The following HOPX variants were observed in gnomAD, a reference collection of about 807,000 sequenced individuals.
HOPX encodes the protein homeodomain-only protein.
A neutral mutation model predicts 11.8 loss-of-function variants in HOPX; 5 were observed. That is an observed-to-expected ratio of 0.43 (90% confidence interval 0.22 to 0.89). The LOEUF is 0.89. Among genes scored for constraint, HOPX ranks in the 40% least tolerant of loss-of-function variants. The probability of loss-of-function intolerance (pLI) is 0.28; values close to 1 mark genes in which losing one functional copy is unlikely to be tolerated. For missense variants in HOPX, 119 were observed against 120.0 expected (o/e 0.99, Z 0.04); for synonymous variants, 49 against 49.7 (o/e 0.99, Z 0.06).
intron 1 of HOPX, chr4:56,676,518 A>C (rs1044536822): frequency 2.6e-5 from 4 of 151,696 alleles, no homozygotes; most frequent in African/African-American, 9.8e-5. Flanking sequence ...CAGTCTTGCA[A>C]ACTTGTCATT....
chr4:56,658,047 G>C (rs1227856912), intron 1 of HOPX, 148 bp from the exon 2 acceptor site: 4 of 589,278 alleles, frequency 6.8e-6, no homozygotes, highest in African/African-American at 5.6e-5. Flanking sequence ...TCGCTTGAAA[G>C]AAAACAAGGG....
chr4:56,656,749 C>T (rs897706843), intron 2 of HOPX, among the ~76,000 whole-genome samples: 7 of 152,154 alleles, frequency 4.6e-5, no homozygotes, highest in African/African-American at 1.7e-4. Flanking sequence ...TTGCATGTGC[C>T]ACTCTGCCGC....
At chr4:56,673,626 T>C (rs1718854342) in intron 1 of HOPX, among the ~76,000 whole-genome samples, 1 of 152,216 alleles carries the variant, frequency 6.6e-6, no homozygotes, top group African/African-American at 2.4e-5. Context: ...CTTCCATGCT[T>C]TTCAACACCA....
Position 56,673,490 on chromosome 4 carries a change from G to C in HOPX, c.-84+7765C>G, listed in dbSNP as rs985243729. On this transcript the variant is annotated intron_variant, in intron 1 of 3. Coordinates refer to ENST00000420433, the MANE Select transcript of HOPX (RefSeq NM_032495.6). ...ATTAATTCTTTCCACTATATTTTTTGTATAATGAGGGGAGTACTTCATGGC... is the reference window on the plus strand; with the variant it reads ...ATTAATTCTTTCCACTATATTTTTTCTATAATGAGGGGAGTACTTCATGGC... 3.3e-5 allele frequency among the ~76,000 whole-genome samples: 5 copies of C among 152,092 alleles called. No homozygotes were observed. The East Asian group carries it at 9.6e-4, about 29-fold the overall frequency.
intron 1 of HOPX, among the ~76,000 whole-genome samples, chr4:56,674,655 T>C (rs909837149): frequency 2.0e-5 from 3 of 151,688 alleles, no homozygotes; most frequent in African/African-American, 7.3e-5. Flanking sequence ...CTGGCACTGT[T>C]TTCATGTTTG....
chr4:56,680,881 G>T, intron 1 of HOPX: 1 of 223,378 alleles, frequency 4.5e-6, no homozygotes, highest in Non-Finnish European at 7.5e-6. Context: ...AAAAGTCTGG[G>T]ATGTAGAATA....
chr4:56,655,831 C>A (rs1333394394), intron 3 of HOPX, 26 bp downstream of exon 3: 1 of 1,605,638 alleles, frequency 6.2e-7, no homozygotes, highest in South Asian at 1.1e-5. Flanking sequence ...GGGGTCGGGG[C>A]GCGCTGGGCG....
At position 56,656,247 on chromosome 4, in the gene HOPX, C is replaced by A. The variant is rs534563950; in HGVS notation, c.43-235G>T. 6.9e-6 allele frequency: 8 copies of A among 1,157,136 alleles called. No individual in the cohort carries two copies. In the South Asian group the frequency reaches 3.1e-4, roughly 44 times the overall value. 71.7% of individuals were successfully genotyped at this position (1,157,136 alleles called of 1,614,324 possible). ...GTTGCGGGCTGACGGCAGAGCCTAG[C>A]GTCCTGCGCCTCCCGCGCCCCCCGG... On this transcript the variant is annotated intron_variant, in intron 2 of 3. Coordinates refer to ENST00000420433, the MANE Select transcript of HOPX (RefSeq NM_032495.6).
intron 1 of HOPX, among the ~76,000 whole-genome samples, chr4:56,660,157 C>T (rs928337377): frequency 6.6e-6 from 1 of 152,196 alleles, no homozygotes; most frequent in African/African-American, 2.4e-5. Flanking sequence ...TGCCAAAAGT[C>T]ACAATGGAAA....
intron 2 of HOPX, among the ~76,000 whole-genome samples, chr4:56,657,545 A>G (rs1025229645): frequency 1.3e-5 from 2 of 152,182 alleles, no homozygotes; most frequent in Non-Finnish European, 2.9e-5. Context: ...CACAACGGGA[A>G]GTCATTCTAC....
At chr4:56,657,388 T>C (rs1023191065) in intron 2 of HOPX, among the ~76,000 whole-genome samples, 31 of 152,188 alleles carry the variant, frequency 2.0e-4, no homozygotes, top group African/African-American at 7.5e-4. Flanking sequence ...GTGATGTGGT[T>C]TGTGCCTGGG....
At chr4:56,667,120 G>T (rs1383688537) in intron 1 of HOPX, among the ~76,000 whole-genome samples, 1 of 152,144 alleles carries the variant, frequency 6.6e-6, no homozygotes, top group East Asian at 1.9e-4. Context: ...ATCCAGAATT[G>T]TCATTGAAAC....
At chr4:56,657,288 A>C (rs1212532296) in intron 2 of HOPX, among the ~76,000 whole-genome samples, 1 of 152,208 alleles carries the variant, frequency 6.6e-6, no homozygotes, top group African/African-American at 2.4e-5. Flanking sequence ...TGTCGCTGAC[A>C]GTAAAAGACA....
chr4:56,662,175 G>T (rs541125187), intron 1 of HOPX, among the ~76,000 whole-genome samples: 1 of 152,302 alleles, frequency 6.6e-6, no homozygotes, highest in African/African-American at 2.4e-5. Flanking sequence ...TAGGCTGTGG[G>T]TTTAAAATAG....
At chr4:56,650,854 A>T (rs191467095) in intron 3 of HOPX, 2 of 1,505,704 alleles carry the variant, frequency 1.3e-6, no homozygotes, top group African/African-American at 1.4e-5. Context: ...GGCAGCTTCA[A>T]TCGAAATTCT....
intron 1 of HOPX, among the ~76,000 whole-genome samples, chr4:56,671,514 G>C (rs567708350): frequency 6.6e-6 from 1 of 151,940 alleles, no homozygotes; most frequent in Non-Finnish European, 1.5e-5. Context: ...ACCCACAGCT[G>C]GTACCTTGCA....
chr4:56,671,379 T>C (rs1718726232), intron 1 of HOPX, among the ~76,000 whole-genome samples: 1 of 152,040 alleles, frequency 6.6e-6, no homozygotes, highest in African/African-American at 2.4e-5. Flanking sequence ...TTTTGAAAAG[T>C]CCAGAAAAGA....
chr4:56,654,295 T>C (rs1440534122), intron 3 of HOPX, among the ~76,000 whole-genome samples: 1 of 152,220 alleles, frequency 6.6e-6, no homozygotes, highest in Non-Finnish European at 1.5e-5. Context: ...ATTACAAAGG[T>C]CAACGTAATT....
intron 1 of HOPX, chr4:56,678,793 A>G (rs985924333): frequency 1.3e-5 from 2 of 151,662 alleles, no homozygotes; most frequent in African/African-American, 4.8e-5. Context: ...AGGCCCCACA[A>G]CCACTAGGTT....
Sources: gnomAD v4.1 joint callset for allele counts (sites outside exome capture counted in the v4.1 genomes callset) on GRCh38, gnomAD v4.1.1 for gene constraint, MANE v1.5 for transcripts, NCBI Gene and HGNC (gene_info 2026-07-23, HGNC 2026-07-21) for gene names.